Variants in C8B observed in about 807,000 individuals in gnomAD.
C8B encodes complement C8 beta chain, also known as complement component C8 beta chain.
Under a neutral mutation model 64.6 loss-of-function variants are expected in C8B, and 67 were observed. The observed-to-expected ratio is 1.04, with a 90% CI of 0.85 to 1.27. The LOEUF is 1.27. Among genes scored for constraint, C8B ranks in the 50% most tolerant of loss-of-function variants. The pLI, the probability that C8B is intolerant of heterozygous loss-of-function variation, is 0.00. For missense variants in C8B, 790 were observed against 725.2 expected, an observed-to-expected ratio of 1.09 and a Z score of -1.03; for synonymous variants, 284 against 257.7, an observed-to-expected ratio of 1.10 and a Z score of -0.98.
rs781743688 is a variant in C8B, at chr1:56,946,039, C to A, written c.887G>T (p.Arg296Leu). ...SHTKSVFLHA[R>L]SDLEVAHYKL... ...GTAATGTGCTACTTCAAGGTCAGAG[C>A]GTGCATGCAGAAATACGCTTTTCTA... is the stretch of plus-strand genomic sequence containing the variant. The change falls in exon 7 of 12, where the codon CGC (arginine) becomes CTC (leucine). Residue 296 changes from arginine (R) to leucine (L), a missense_variant. Coordinates refer to ENST00000371237, the MANE Select transcript of C8B (RefSeq NM_000066.4). The A allele has an allele frequency of 1.2e-6, 2 of 1,613,950 alleles. No homozygotes were observed. Among genetic ancestry groups the A allele is most frequent in the Non-Finnish European group, 1.7e-6 (2 of 1,180,000 alleles).
Position 56,929,520 on chromosome 1 carries a change from A to G in C8B, c.1660T>C (p.Trp554Arg). ...TTACGTCTTCCAGAGCATGAAGACC[A>G]ATTTGACCAGCAATTCCACTTCCCA... The part of the protein sequence containing the change: ...IDGKWNCWSN[W>R]SSCSGRRKTR... The change falls in exon 12 of 12, where the codon TGG becomes CGG. Residue 554 changes from tryptophan (W) to arginine (R), a missense_variant. Coordinates refer to ENST00000371237, the MANE Select transcript of C8B (RefSeq NM_000066.4). The G allele has an allele frequency of 6.2e-7, 1 of 1,613,916 alleles. No homozygotes were observed. The highest frequency in any genetic ancestry group is 2.2e-5 in the East Asian group (1 of 44,870).
chr1:56,954,770 G>C lies in C8B; in HGVS notation c.449C>G (p.Ser150Ter), dbSNP rs775239891. 2.5e-6 allele frequency: 4 copies of C among 1,614,120 alleles called. No individual in the cohort carries two copies. In the South Asian group the frequency reaches 3.3e-5, roughly 13 times the overall value. The change falls in exon 4 of 12, where the codon TCA (serine) becomes TGA (stop). Residue 150 changes from serine to a stop codon, truncating the protein, a stop_gained. Coordinates refer to ENST00000371237, the MANE Select transcript of C8B (RefSeq NM_000066.4). LOFTEE classifies it high-confidence loss of function. ...AATCCTTCTACAGTTTGCTTCATCT[G>C]ACTGGTCTCCACAGTCATTGTCCCC... Reference protein sequence around the residue: ...CNGDNDCGDQSDEANCRRIYK... With the variant: ...CNGDNDCGDQ
chr1:56,960,197 A>G lies in C8B; in HGVS notation c.93-21T>C. 4 of 1,612,018 alleles carry G rather than the reference A, an allele frequency of 2.5e-6. No homozygotes were observed. In the South Asian group the frequency reaches 3.3e-5, roughly 13 times the overall value. ...CACCTCTAAAAGTCATTATGAGAGA[A>G]GAGAGTCACGTATCAGAAGGGAATT... On this transcript the variant is annotated intron_variant, in intron 1 of 11. Coordinates refer to ENST00000371237, the MANE Select transcript of C8B (RefSeq NM_000066.4).
chr1:56,931,738 A>T, intron 11 of C8B, 72 bp downstream of exon 11: 1 of 1,048,312 alleles, frequency 9.5e-7, no homozygotes, highest in Non-Finnish European at 1.5e-6. Flanking sequence ...CACACTCCAC[A>T]CCAGCTCCTT....
chr1:56,934,125 T>C (rs941450508), intron 9 of C8B, among the ~76,000 whole-genome samples: 1 of 147,898 alleles, frequency 6.8e-6, no homozygotes, highest in Non-Finnish European at 1.5e-5. Context: ...ATTGCTCCTT[T>C]ATAGTCAATA....
Position 56,949,618 on chromosome 1 carries a change from G to A in C8B, c.801C>T (p.Gly267=), listed in dbSNP as rs1486815112. 1 of 1,613,958 alleles carries A rather than the reference G, an allele frequency of 6.2e-7. No individual in the cohort carries two copies. The highest frequency in any genetic ancestry group is 8.5e-7 in the Non-Finnish European group (1 of 1,179,904). Residue 267 remains glycine, a synonymous_variant, in exon 6 of 12, where the codon GGC becomes GGT. Transcript: ENST00000371237. ...GFKIPGIFEL[G]ISSQSDRGKH... ...TGCCTCGATCACTTTGACTACTGAT[G>A]CCAAGTTCAAATATTCCAGGTATTT...
chr1:56,948,150 A>G (rs1644970364), intron 6 of C8B, among the ~76,000 whole-genome samples: 1 of 152,160 alleles, frequency 6.6e-6, no homozygotes, highest in Non-Finnish European at 1.5e-5. Flanking sequence ...GGAGAGAAGG[A>G]GAGAAGGAAA....
In C8B at chr1:56,965,988, C is replaced by A. The variant is rs1645251204; in HGVS notation, c.-40G>T. On this transcript the variant is annotated 5_prime_UTR_variant, in exon 1 of 12. Coordinates refer to ENST00000371237, the MANE Select transcript of C8B (RefSeq NM_000066.4). ...AGGAGATGCCACAGAGGCTGCTAGA[C>A]CCATAACAAGCCTGTGCTGTGAGTG... 4 of 1,612,762 alleles carry A rather than the reference C, an allele frequency of 2.5e-6. No individual in the cohort carries two copies. Among genetic ancestry groups the A allele is most frequent in the Non-Finnish European group, 3.4e-6 (4 of 1,179,976 alleles).
intron 9 of C8B, among the ~76,000 whole-genome samples, chr1:56,940,049 G>A (rs184519645): frequency 4.0e-5 from 6 of 151,868 alleles, no homozygotes; most frequent in African/African-American, 7.2e-5. Context: ...ACTGTTCCTC[G>A]TAGACTGTAT....
At position 56,929,338 on chromosome 1, in the gene C8B, T is replaced by G; in HGVS notation, c.*66A>C. The G allele has an allele frequency of 1.5e-5, 24 of 1,560,000 alleles. No individual in the cohort carries two copies. The highest frequency in any genetic ancestry group is 1.9e-5 in the Non-Finnish European group (22 of 1,132,538). ...CTCCAGGTGGAAACTGGTGTAGGGCTGAGCTGGCATGAGTTCTTGAGGGCT... is the reference window on the plus strand; with the variant it reads ...CTCCAGGTGGAAACTGGTGTAGGGCGGAGCTGGCATGAGTTCTTGAGGGCT... On this transcript the variant is annotated 3_prime_UTR_variant, in exon 12 of 12. Transcript: ENST00000371237.
intron 9 of C8B, among the ~76,000 whole-genome samples, chr1:56,940,432 T>C (rs1419723963): frequency 1.3e-5 from 2 of 150,368 alleles, no homozygotes; most frequent in African/African-American, 2.4e-5. Flanking sequence ...TAGCCAGGTG[T>C]GGTGTCATGC....
chr1:56,963,587 G>C lies in C8B; in HGVS notation c.92+2270C>G, dbSNP rs1227193030. On this transcript the variant is annotated intron_variant, in intron 1 of 11. Coordinates refer to ENST00000371237, the MANE Select transcript of C8B (RefSeq NM_000066.4). ...ATACACAATGTGGAGGTTGGGGGGT[G>C]GTGGGGGGTGGGGAGGGGACAACGC... Among the ~76,000 whole-genome samples, 31 of 146,550 alleles carry C rather than the reference G, an allele frequency of 2.1e-4. 1 individual carries two copies. In the South Asian group the frequency reaches 5.0e-3, roughly 23 times the overall value.
intron 3 of C8B, among the ~76,000 whole-genome samples, 184 bp downstream of exon 3, chr1:56,956,585 A>G (rs1645106411): frequency 6.6e-6 from 1 of 152,182 alleles, no homozygotes; most frequent in South Asian, 2.1e-4. Context: ...AATAACACCT[A>G]CATTATAAGG....
At chr1:56,955,347 C>T (rs560969508) in intron 3 of C8B, among the ~76,000 whole-genome samples, 8 of 152,168 alleles carry the variant, frequency 5.3e-5, no homozygotes, top group Non-Finnish European at 5.9e-5. Flanking sequence ...GGGATTGAAA[C>T]CTTTAACTGT....
intron 6 of C8B, among the ~76,000 whole-genome samples, chr1:56,947,415 T>C (rs1027200893): frequency 1.3e-5 from 2 of 152,194 alleles, no homozygotes; most frequent in Non-Finnish European, 2.9e-5. Flanking sequence ...CTCTTTCATA[T>C]TATTTTGCAC....
intron 4 of C8B, among the ~76,000 whole-genome samples, chr1:56,953,649 G>A (rs1020191091): frequency 5.3e-5 from 8 of 152,176 alleles, no homozygotes; most frequent in Admixed American, 5.2e-4. Flanking sequence ...AATCTTCACA[G>A]CACTTTGAAA....
intron 5 of C8B, 65 bp from the exon 6 acceptor site, chr1:56,949,817 C>A: frequency 9.3e-7 from 1 of 1,070,050 alleles, no homozygotes; most frequent in Non-Finnish European, 1.4e-6. Context: ...TACCAGTGAG[C>A]AGACAGCCAC....
chr1:56,957,435 C>T (rs1236985360), intron 2 of C8B, among the ~76,000 whole-genome samples: 2 of 152,220 alleles, frequency 1.3e-5, no homozygotes, highest in South Asian at 2.1e-4. Context: ...TGATATTGGG[C>T]AAATTACTTA....
chr1:56,943,316 C>G lies in C8B; in HGVS notation c.1234+380G>C, dbSNP rs1280673918. Among the ~76,000 whole-genome samples the G allele has an allele frequency of 2.6e-5, 4 of 152,094 alleles. No individual in the cohort carries two copies. The South Asian group carries it at 6.2e-4, about 24-fold the overall frequency. On this transcript the variant is annotated intron_variant, in intron 8 of 11. Transcript: ENST00000371237. ...CTATGTAAGATGTTCAGAGCAGCAT[C>G]AGTTATAATTGCTTGAAAGAGGAGA...
Sources: allele counts gnomAD v4.1 joint callset (sites outside exome capture counted in the v4.1 genomes callset), GRCh38; gene constraint gnomAD v4.1.1; transcripts MANE v1.5; gene names NCBI Gene and HGNC (gene_info 2026-07-23, HGNC 2026-07-21).